Variants in MTCL1 observed in about 807,000 individuals in gnomAD.
MTCL1 encodes microtubule crosslinking factor 1.
A neutral mutation model predicts 141.4 loss-of-function variants in MTCL1; 79 were observed. The ratio of observed to expected loss-of-function variants is 0.56; its 90% CI spans 0.47 to 0.67. MTCL1 has a LOEUF of 0.67. Among genes scored for constraint, MTCL1 ranks in the 30% least tolerant of loss-of-function variants. MTCL1 has a pLI of 0.00. For synonymous variants in MTCL1, 914 were observed against 875.8 expected (o/e 1.04, Z -0.77); for missense variants, 2,177 against 2,113.9 (o/e 1.03, Z -0.59).
At chr18:8,817,695 G>A (rs12456160) in intron 12 of MTCL1, among the ~76,000 whole-genome samples, 35,197 of 152,042 alleles carry the variant, frequency 0.23, 4,284 homozygotes, top group Non-Finnish European at 0.28. Flanking sequence ...TCCTGGAACG[G>A]TCTCAGCACT....
intron 4 of MTCL1, among the ~76,000 whole-genome samples, chr18:8,760,207 C>T (rs889546516): frequency 1.2e-4 from 19 of 152,140 alleles, no homozygotes; most frequent in African/African-American, 3.4e-4. Context: ...GTCCCTTCTC[C>T]GAGATGCAGT....
At chr18:8,773,536 T>G (rs1474021582) in intron 4 of MTCL1, among the ~76,000 whole-genome samples, 1 of 152,220 alleles carries the variant, frequency 6.6e-6, no homozygotes, top group African/African-American at 2.4e-5. Context: ...TGGTTTCTTT[T>G]GATGTATTCT....
At chr18:8,817,558 T>G (rs1013657601) in intron 12 of MTCL1, among the ~76,000 whole-genome samples, 2 of 152,170 alleles carry the variant, frequency 1.3e-5, no homozygotes, top group Non-Finnish European at 2.9e-5. Flanking sequence ...GCTTTCTTCC[T>G]GACTATACAG....
intron 16 of MTCL1, chr18:8,831,330 C>A: frequency 7.9e-7 from 1 of 1,265,080 alleles, no homozygotes. Flanking sequence ...TATACCCCAG[C>A]CCAATTCTAA....
intron 4 of MTCL1, among the ~76,000 whole-genome samples, chr18:8,722,360 G>A (rs1249124070): frequency 6.6e-6 from 1 of 152,026 alleles, no homozygotes; most frequent in African/African-American, 2.4e-5. Context: ...GGACTTTGAG[G>A]CCAGCTTGGG....
At chr18:8,805,843 G>C (rs933940192) in intron 10 of MTCL1, among the ~76,000 whole-genome samples, 1 of 152,136 alleles carries the variant, frequency 6.6e-6, no homozygotes, top group South Asian at 2.1e-4. Context: ...ATGGGCTCAC[G>C]AGGCTTTTAT....
At chr18:8,715,856 C>A (rs2096125416), upstream of MTCL1, among the ~76,000 whole-genome samples, 1 of 152,200 alleles carries the variant, frequency 6.6e-6, no homozygotes, top group Non-Finnish European at 1.5e-5. Context: ...TCAGTAACAA[C>A]CTCCTGTTTG....
chr18:8,731,238 C>G (rs965158753), intron 4 of MTCL1, among the ~76,000 whole-genome samples: 1 of 150,896 alleles, frequency 6.6e-6, no homozygotes, highest in African/African-American at 2.4e-5. Flanking sequence ...GAGCAAGACT[C>G]CATCTCAAAA....
At chr18:8,793,731 G>T (rs2075817491) in intron 8 of MTCL1, among the ~76,000 whole-genome samples, 1 of 152,200 alleles carries the variant, frequency 6.6e-6, no homozygotes, top group African/African-American at 2.4e-5. Context: ...AGATCTCTAG[G>T]TTCAGAATTG....
At chr18:8,798,212 A>T in exon 10 of MTCL1, 1 of 1,597,514 alleles carries the variant, frequency 6.3e-7, no homozygotes, top group South Asian at 1.1e-5. Flanking sequence ...GTGGGGGAGC[A>T]CTCCCCACAC....
At chr18:8,794,355 TC>T (rs1294962508) in intron 8 of MTCL1, among the ~76,000 whole-genome samples, 1 of 151,776 alleles carries the variant, frequency 6.6e-6, no homozygotes, top group Non-Finnish European at 1.5e-5. Context: ...AGGGAAAGTG[TC>T]CCCCAAGGTA....
chr18:8,785,494 G>A (rs1432553414), intron 6 of MTCL1, among the ~76,000 whole-genome samples: 3 of 152,202 alleles, frequency 2.0e-5, no homozygotes, highest in Non-Finnish European at 4.4e-5. Flanking sequence ...TCCTAGCCTC[G>A]CCTGGGTGCA....
exon 5 of MTCL1, chr18:8,777,886 T>C: frequency 6.2e-7 from 1 of 1,613,688 alleles, no homozygotes; most frequent in Non-Finnish European, 8.5e-7. Flanking sequence ...AGAAAACCTT[T>C]AACCAGGTAA....
At chr18:8,757,683 G>A (rs1027367294) in intron 4 of MTCL1, among the ~76,000 whole-genome samples, 8 of 152,198 alleles carry the variant, frequency 5.3e-5, no homozygotes, top group African/African-American at 1.9e-4. Context: ...GGCATGTTTG[G>A]AGACACATTT....
Position 8,822,984 on chromosome 18 carries a change from A to G in MTCL1, c.3188+1486A>G, listed in dbSNP as rs1309817703. On this transcript the variant is annotated intron_variant, in intron 14 of 16. Transcript: ENST00000359865. The surrounding 1 kb of genome is among the most constrained non-coding windows in gnomAD (Gnocchi z 4.6). ...GGTTGCAGTGAACCGAGATTGCGCC[A>G]CTGCACTACATCCTGGGCGACAGAG... is the stretch of plus-strand genomic sequence containing the variant. Among the ~76,000 whole-genome samples the G allele has an allele frequency of 1.3e-5, 2 of 151,930 alleles. No individual in the cohort carries two copies. Among genetic ancestry groups the G allele is most frequent in the Non-Finnish European group, 2.9e-5 (2 of 67,978 alleles).
chr18:8,824,872 A>G lies in MTCL1; in HGVS notation c.3362A>G (p.Asn1121Ser). 2.5e-6 allele frequency: 4 copies of G among 1,614,002 alleles called. No individual in the cohort carries two copies. In the South Asian group the frequency reaches 4.4e-5, roughly 18 times the overall value. Residue 1121 changes from asparagine to serine, a missense_variant, in exon 15 of 17, where the codon AAC becomes AGC. Transcript: ENST00000359865. ...AACAAGAGCTGGGACTACACACCCAACAGGGGCCACAATGGTGGGGGGCCG... is the reference window on the plus strand; with the variant it reads ...AACAAGAGCTGGGACTACACACCCAGCAGGGGCCACAATGGTGGGGGGCCG...
At chr18:8,767,789 G>A (rs1445381792) in intron 4 of MTCL1, among the ~76,000 whole-genome samples, 9 of 151,772 alleles carry the variant, frequency 5.9e-5, no homozygotes, top group South Asian at 4.2e-4. Context: ...ACTATTTGGG[G>A]GAATGGAAAA....
intron 11 of MTCL1, among the ~76,000 whole-genome samples, chr18:8,807,945 G>A (rs2076354772): frequency 6.6e-6 from 1 of 151,344 alleles, no homozygotes. Flanking sequence ...GAAAAGAATT[G>A]CCTGGAAAGG....
At chr18:8,792,855 C>A in intron 7 of MTCL1, 143 bp from the exon 7 acceptor site, 1 of 1,176,072 alleles carries the variant, frequency 8.5e-7, no homozygotes, top group Non-Finnish European at 1.2e-6. Context: ...GCGGAGCTGC[C>A]ACAGTCACTC....
Sources: gnomAD v4.1 joint callset for allele counts (sites outside exome capture counted in the v4.1 genomes callset) on GRCh38, gnomAD v4.1.1 for gene constraint, Gnocchi (gnomAD v3.1) non-coding constraint, MANE v1.5 for transcripts, NCBI Gene and HGNC (gene_info 2026-07-23, HGNC 2026-07-21) for gene names.